Variants in RBMS3 observed in about 807,000 individuals in gnomAD.
RBMS3 encodes RNA-binding motif, single-stranded-interacting protein 3.
In RBMS3, 27 loss-of-function variants were observed where a neutral mutation model predicts 66.8. The ratio of observed to expected loss-of-function variants is 0.40; its 90% CI spans 0.30 to 0.56. The LOEUF is 0.56. Ranked by LOEUF, RBMS3 falls within the 20% of genes least tolerant of loss-of-function variation. RBMS3 has a pLI of 0.40. For missense variants in RBMS3, 513 were observed against 549.5 expected (o/e 0.93, Z 0.66); for synonymous variants, 188 against 183.0 (o/e 1.03, Z -0.22).
intron 4 of RBMS3, among the ~76,000 whole-genome samples, chr3:29,681,434 A>ATAT (rs2051490529): frequency 2.0e-5 from 3 of 152,024 alleles, no homozygotes; most frequent in African/African-American, 7.3e-5. Context: ...TTTGGATCAC[A>ATAT]TATTATCCCA....
At chr3:29,576,385 G>T (rs567443413) in intron 3 of RBMS3, among the ~76,000 whole-genome samples, 4 of 152,258 alleles carry the variant, frequency 2.6e-5, no homozygotes, top group African/African-American at 7.2e-5. Flanking sequence ...GATTGACCCA[G>T]TGTGGTTCCT....
At chr3:29,707,100 T>G (rs1406677069) in intron 4 of RBMS3, among the ~76,000 whole-genome samples, 1 of 152,162 alleles carries the variant, frequency 6.6e-6, no homozygotes, top group African/African-American at 2.4e-5. Flanking sequence ...CTAAGAGACA[T>G]GAAGAAACTG....
At chr3:29,511,283 G>T (rs1193285261) in intron 3 of RBMS3, among the ~76,000 whole-genome samples, 1 of 152,166 alleles carries the variant, frequency 6.6e-6, no homozygotes, top group African/African-American at 2.4e-5. Context: ...GCGACGGAGA[G>T]AGACTTCATC....
chr3:29,772,838 C>T (rs992962737), intron 6 of RBMS3, among the ~76,000 whole-genome samples: 1 of 152,026 alleles, frequency 6.6e-6, no homozygotes, highest in Admixed American at 6.6e-5. Flanking sequence ...GTTATTTTAA[C>T]TTCACAGTTT....
intron 2 of RBMS3, among the ~76,000 whole-genome samples, chr3:29,478,320 C>A (rs139241738): frequency 6.6e-6 from 1 of 152,258 alleles, no homozygotes; most frequent in Non-Finnish European, 1.5e-5. Flanking sequence ...AAGATGAAGG[C>A]AGCAGCTGGT....
At chr3:29,298,157 A>T (rs912222976) in intron 1 of RBMS3, among the ~76,000 whole-genome samples, 1 of 151,894 alleles carries the variant, frequency 6.6e-6, no homozygotes, top group Admixed American at 6.6e-5. Flanking sequence ...TGCATGTGGT[A>T]GGTGTTTAAT....
At chr3:29,644,300 T>C (rs1392066455) in intron 4 of RBMS3, among the ~76,000 whole-genome samples, 2 of 152,070 alleles carry the variant, frequency 1.3e-5, no homozygotes, top group African/African-American at 4.8e-5. Flanking sequence ...TTTGAACGGG[T>C]TTCAATCACA....
chr3:29,447,948 A>G (rs1444224942), intron 2 of RBMS3, among the ~76,000 whole-genome samples: 2 of 152,190 alleles, frequency 1.3e-5, no homozygotes, highest in African/African-American at 4.8e-5. Context: ...GCCTAACATT[A>G]TTCGTTTACC....
intron 3 of RBMS3, among the ~76,000 whole-genome samples, chr3:29,538,437 A>G (rs995708078): frequency 1.3e-5 from 2 of 152,310 alleles, no homozygotes; most frequent in East Asian, 3.9e-4. Flanking sequence ...CTGGCAACCC[A>G]AACAAAAAGG....
chr3:29,504,441 TTCTG>T (rs1224935801), intron 3 of RBMS3, among the ~76,000 whole-genome samples: 1 of 152,110 alleles, frequency 6.6e-6, no homozygotes, highest in Non-Finnish European at 1.5e-5. Flanking sequence ...TTGCCTTTTT[TTCTG>T]TCTGATTTAT....
At position 29,684,985 on chromosome 3, in the gene RBMS3, GT is replaced by G. The variant is rs543527630; in HGVS notation, c.400-54734del. 2.8e-4 allele frequency among the ~76,000 whole-genome samples: 42 copies of G among 152,252 alleles called. No homozygotes were observed. The South Asian group carries it at 8.7e-3, about 32-fold the overall frequency. ...AATTTTCCTGTTACTATGTGTGTAT[GT>G]GTGTAAGTATAAGTTTTATATTTTT... On this transcript the variant is annotated intron_variant, in intron 4 of 14. Coordinates refer to ENST00000383767, the MANE Select transcript of RBMS3 (RefSeq NM_001003793.3).
At position 29,992,422 on chromosome 3, in the gene RBMS3, T is replaced by TA. The variant is rs368131591; in HGVS notation, c.1307+1218dup. 3.8e-3 allele frequency among the ~76,000 whole-genome samples: 582 copies of TA among 151,994 alleles called. 5 individuals are homozygous for TA. The highest frequency in any genetic ancestry group is 0.013 in the African/African-American group (547 of 41,462). On this transcript the variant is annotated intron_variant, in intron 14 of 14. Coordinates refer to ENST00000383767, the MANE Select transcript of RBMS3 (RefSeq NM_001003793.3). ...TAACACGGTGAAACCCCGTCTCTAC[T>TA]AAAAATACAAAAAACTTAGCTGGGC...
chr3:29,866,327 CTGTGGGTGTAA>C (rs1466017637), intron 6 of RBMS3, among the ~76,000 whole-genome samples: 2 of 152,122 alleles, frequency 1.3e-5, no homozygotes, highest in Non-Finnish European at 1.5e-5. Flanking sequence ...AAAAACTTAC[CTGTGGGTGTAA>C]TGTGTGTGTC....
chr3:29,536,353 G>T (rs1415085104), intron 3 of RBMS3, among the ~76,000 whole-genome samples: 1 of 152,080 alleles, frequency 6.6e-6, no homozygotes, highest in African/African-American at 2.4e-5. Flanking sequence ...TGCTAAATCA[G>T]CATGTATTAA....
intron 3 of RBMS3, among the ~76,000 whole-genome samples, chr3:29,550,850 C>G (rs571721637): frequency 6.6e-6 from 1 of 152,146 alleles, no homozygotes; most frequent in African/African-American, 2.4e-5. Flanking sequence ...TGCCTTGACC[C>G]GGAAGCAGCA....
At chr3:29,851,408 C>T (rs12495040) in intron 6 of RBMS3, among the ~76,000 whole-genome samples, 8,959 of 152,064 alleles carry the variant, frequency 0.059, 935 homozygotes, top group African/African-American at 0.21. Context: ...TATCAAGACC[C>T]GGGATTATAT....
intron 3 of RBMS3, among the ~76,000 whole-genome samples, chr3:29,488,976 G>T (rs906673138): frequency 1.3e-5 from 2 of 152,174 alleles, no homozygotes; most frequent in African/African-American, 4.8e-5. Context: ...TTCAGAGTTG[G>T]TATCTTATTA....
At chr3:29,533,333 T>A (rs959273949) in intron 3 of RBMS3, among the ~76,000 whole-genome samples, 5 of 151,742 alleles carry the variant, frequency 3.3e-5, no homozygotes, top group Non-Finnish European at 5.9e-5. Flanking sequence ...AAAAAAAAAA[T>A]TAGTGAAGTG....
At chr3:29,574,009 G>C (rs1037999276) in intron 3 of RBMS3, among the ~76,000 whole-genome samples, 1 of 152,154 alleles carries the variant, frequency 6.6e-6, no homozygotes, top group Non-Finnish European at 1.5e-5. Context: ...TGATCCACAT[G>C]ATGAGGAGAA....
Sources: gnomAD v4.1 joint callset for allele counts (sites outside exome capture counted in the v4.1 genomes callset) on GRCh38, gnomAD v4.1.1 for gene constraint, MANE v1.5 for transcripts, NCBI Gene and HGNC (gene_info 2026-07-23, HGNC 2026-07-21) for gene names.